Variants in SHTN1 observed in about 807,000 individuals in gnomAD.
The protein encoded by SHTN1 is shootin-1.
In SHTN1, 42 loss-of-function variants were observed where a neutral mutation model predicts 83.1. The observed-to-expected ratio is 0.51, with a 90% CI of 0.39 to 0.65. SHTN1 has a LOEUF of 0.65. Among genes scored for constraint, SHTN1 ranks in the 30% least tolerant of loss-of-function variants. SHTN1 has a pLI of 0.00. For synonymous variants in SHTN1, 224 were observed against 247.7 expected (o/e 0.90, Z 0.90); for missense variants, 622 against 737.8 (o/e 0.84, Z 1.82).
At chr10:117,098,140 G>A (rs1853532798) in intron 1 of SHTN1, among the ~76,000 whole-genome samples, 1 of 150,194 alleles carries the variant, frequency 6.7e-6, no homozygotes, top group African/African-American at 2.5e-5. Context: ...TGTAATCCCA[G>A]CACTTTGGGA....
chr10:116,912,054 T>C (rs887388530), intron 13 of SHTN1, among the ~76,000 whole-genome samples: 3 of 152,238 alleles, frequency 2.0e-5, no homozygotes, highest in African/African-American at 4.8e-5. Context: ...TAAGAAGTTA[T>C]ATTCAAAGCA....
intron 16 of SHTN1, among the ~76,000 whole-genome samples, chr10:116,889,007 T>C (rs1372615174): frequency 2.6e-5 from 4 of 152,244 alleles, no homozygotes; most frequent in African/African-American, 4.8e-5. Context: ...CCCACTCTTA[T>C]GTAAGCCAGT....
intron 2 of SHTN1, among the ~76,000 whole-genome samples, chr10:116,971,413 G>A (rs1446880458): frequency 6.6e-6 from 1 of 152,172 alleles, no homozygotes; most frequent in Non-Finnish European, 1.5e-5. Context: ...CGAAATAGTA[G>A]AGTTCTAAAT....
At position 117,005,112 on chromosome 10, in the gene SHTN1, G is replaced by C. The variant is rs760288164; in HGVS notation, c.-33C>G. 2 of 1,577,448 alleles carry C rather than the reference G, an allele frequency of 1.3e-6. No individual in the cohort carries two copies. The highest frequency in any genetic ancestry group is 1.7e-6 in the Non-Finnish European group (2 of 1,161,052). On this transcript the variant is annotated 5_prime_UTR_variant, in exon 1 of 17. Coordinates refer to ENST00000355371, the MANE Select transcript of SHTN1 (RefSeq NM_001127211.3). The stretch of plus-strand genomic sequence containing the variant: ...GGTGGGGCCGGGAATAAAAGGGAAA[G>C]AGGGAGCGGCGCGGGGCACACAGGA...
At chr10:117,018,966 TTAAA>T (rs1852223798) in intron 2 of SHTN1, among the ~76,000 whole-genome samples, 1 of 152,054 alleles carries the variant, frequency 6.6e-6, no homozygotes, top group Admixed American at 6.6e-5. Flanking sequence ...AGGAAGGAAG[TTAAA>T]TAGTCTTTAT....
intron 2 of SHTN1, among the ~76,000 whole-genome samples, chr10:116,974,391 C>T (rs1850718747): frequency 6.6e-6 from 1 of 152,088 alleles, no homozygotes; most frequent in Non-Finnish European, 1.5e-5. Context: ...AAAGTGGCTT[C>T]TTTATTGATT....
intron 1 of SHTN1, among the ~76,000 whole-genome samples, chr10:117,049,511 G>C (rs1204104280): frequency 6.6e-6 from 1 of 152,168 alleles, no homozygotes; most frequent in East Asian, 1.9e-4. Flanking sequence ...GCCAGACAGA[G>C]CCATAAAGAG....
intron 16 of SHTN1, among the ~76,000 whole-genome samples, chr10:116,896,342 A>G (rs1485045568): frequency 1.3e-5 from 2 of 152,166 alleles, no homozygotes; most frequent in Non-Finnish European, 2.9e-5. Context: ...TATGTTTCAG[A>G]AACATTAATT....
At chr10:116,906,783 T>C in intron 14 of SHTN1, 36 bp from the exon 15 acceptor site, 4 of 1,567,792 alleles carry the variant, frequency 2.6e-6, no homozygotes, top group Non-Finnish European at 3.5e-6. Flanking sequence ...AAAAGGTTAA[T>C]GTCTTAATAC....
At chr10:117,015,627 G>A (rs188004812) in intron 2 of SHTN1, among the ~76,000 whole-genome samples, 17 of 152,206 alleles carry the variant, frequency 1.1e-4, no homozygotes, top group East Asian at 7.7e-4. Flanking sequence ...CACCGTGCCC[G>A]GCCTGTAGTA....
chr10:117,010,396 A>C (rs997779171), upstream of SHTN1, among the ~76,000 whole-genome samples: 2 of 152,106 alleles, frequency 1.3e-5, no homozygotes, highest in East Asian at 1.9e-4. Context: ...TTATAAGTAG[A>C]GTAATTCAGA....
At chr10:117,052,999 A>G (rs1852770415) in intron 1 of SHTN1, among the ~76,000 whole-genome samples, 2 of 145,220 alleles carry the variant, frequency 1.4e-5, no homozygotes, top group Admixed American at 6.8e-5. Flanking sequence ...CAGCCTGGGC[A>G]ACAGAGCAAG....
intron 1 of SHTN1, among the ~76,000 whole-genome samples, chr10:117,101,653 C>T (rs1853596479): frequency 6.6e-6 from 1 of 152,118 alleles, no homozygotes; most frequent in East Asian, 1.9e-4. Flanking sequence ...AAGGGGGTAA[C>T]AGAAAACTAC....
intron 1 of SHTN1, among the ~76,000 whole-genome samples, chr10:117,051,512 C>T (rs1852740697): frequency 6.6e-6 from 1 of 152,008 alleles, no homozygotes; most frequent in Admixed American, 6.6e-5. Context: ...CAAAAATCCT[C>T]GACAAAATAC....
At chr10:117,019,228 C>T (rs920037477) in intron 2 of SHTN1, among the ~76,000 whole-genome samples, 3 of 151,780 alleles carry the variant, frequency 2.0e-5, no homozygotes, top group East Asian at 1.9e-4. Context: ...CACTCTGCCA[C>T]CCTGGAGTGC....
At chr10:116,954,257 T>C (rs753644727) in intron 4 of SHTN1, 47 bp from the exon 5 acceptor site, 2 of 1,304,420 alleles carry the variant, frequency 1.5e-6, no homozygotes, top group South Asian at 2.8e-5. Flanking sequence ...GCCAAATGAG[T>C]ATCTTGGATT....
intron 2 of SHTN1, among the ~76,000 whole-genome samples, chr10:117,047,095 C>G (rs146665501): frequency 6.6e-6 from 1 of 152,054 alleles, no homozygotes; most frequent in Non-Finnish European, 1.5e-5. Flanking sequence ...GACAGAGTCT[C>G]ACTCTGTCGC....
In SHTN1 at chr10:117,038,735, G is replaced by A. The variant is rs545214192; in HGVS notation, c.-123+9710C>T. Among the ~76,000 whole-genome samples, 6 of 152,080 alleles carry A rather than the reference G, an allele frequency of 3.9e-5. No homozygotes were observed. The East Asian group carries it at 1.2e-3, about 30-fold the overall frequency. On this transcript the variant is annotated intron_variant, in intron 2 of 17. Coordinates refer to the SHTN1 transcript ENST00000392901. ...TAGATGGCAAATATGCATATGAAAA[G>A]AAGATCTACATCAAATATCATCAGG...
intron 1 of SHTN1, among the ~76,000 whole-genome samples, chr10:117,051,961 G>A (rs1382443220): frequency 1.4e-4 from 15 of 106,118 alleles, no homozygotes; most frequent in African/African-American, 5.1e-4. Flanking sequence ...AATTGGAAAG[G>A]CAGAAGTAAA....
Sources: allele counts gnomAD v4.1 joint callset (sites outside exome capture counted in the v4.1 genomes callset), GRCh38; gene constraint gnomAD v4.1.1; transcripts MANE v1.5; gene names NCBI Gene and HGNC (gene_info 2026-07-23, HGNC 2026-07-21).